SMIM41: variants seen among roughly 807,000 people sequenced by gnomAD.
SMIM41 encodes the protein small integral membrane protein 41.
intron 2 of SMIM41, among the ~76,000 whole-genome samples, chr12:52,093,956 C>A (rs1274769533): frequency 1.3e-5 from 2 of 151,752 alleles, no homozygotes; most frequent in Non-Finnish European, 2.9e-5. Flanking sequence ...CATGGTGAAA[C>A]CCTGTCTCTA....
chr12:52,096,289 T>C (rs1940092348), intron 2 of SMIM41, among the ~76,000 whole-genome samples: 1 of 152,010 alleles, frequency 6.6e-6, no homozygotes, highest in Non-Finnish European at 1.5e-5. Flanking sequence ...TATCACCGGG[T>C]GGATGTACAC....
At chr12:52,094,464 A>G (rs1023629850) in intron 2 of SMIM41, among the ~76,000 whole-genome samples, 14 of 152,102 alleles carry the variant, frequency 9.2e-5, no homozygotes, top group Non-Finnish European at 4.4e-5. Flanking sequence ...TGGCCTCCCA[A>G]AGTGCTAGGA....
intron 2 of SMIM41, among the ~76,000 whole-genome samples, chr12:52,085,436 C>A (rs1939879252): frequency 7.2e-6 from 1 of 139,208 alleles, no homozygotes; most frequent in African/African-American, 2.7e-5. Context: ...CTAGCTCGTG[C>A]CATGTTTTGT....
At chr12:52,080,781 G>C (rs1000524517) in intron 1 of SMIM41, among the ~76,000 whole-genome samples, 4 of 152,188 alleles carry the variant, frequency 2.6e-5, no homozygotes, top group African/African-American at 9.7e-5. Flanking sequence ...GGGGAGTGTG[G>C]TCATGTTTGA....
At chr12:52,101,964 C>T (rs1299334258) in intron 2 of SMIM41, among the ~76,000 whole-genome samples, 4 of 152,178 alleles carry the variant, frequency 2.6e-5, no homozygotes, top group East Asian at 1.9e-4. Context: ...CCGCCCACCT[C>T]GGCCTCCCAA....
intron 2 of SMIM41, among the ~76,000 whole-genome samples, chr12:52,091,730 C>A (rs1456716923): frequency 6.6e-6 from 1 of 152,220 alleles, no homozygotes; most frequent in Non-Finnish European, 1.5e-5. Flanking sequence ...TGTATGATAG[C>A]TCCTTAACTT....
chr12:52,090,962 C>A (rs1939991814), intron 2 of SMIM41, among the ~76,000 whole-genome samples: 1 of 152,234 alleles, frequency 6.6e-6, no homozygotes, highest in Non-Finnish European at 1.5e-5. Flanking sequence ...GGTTCCAAAC[C>A]CACAAAGGTG....
chr12:52,089,597 A>AAAAACAAAAC (rs149875066), intron 2 of SMIM41, among the ~76,000 whole-genome samples: 10,355 of 149,064 alleles, frequency 0.069, 1,141 homozygotes, highest in African/African-American at 0.24. Flanking sequence ...CCGCCTTCAA[A>AAAAACAAAAC]AAAACAAAAC....
At chr12:52,099,421 C>A (rs1460278478) in intron 2 of SMIM41, among the ~76,000 whole-genome samples, 1 of 151,074 alleles carries the variant, frequency 6.6e-6, no homozygotes. Flanking sequence ...AGGGGGGTGT[C>A]CACCTCCTGG....
chr12:52,092,802 T>C lies in SMIM41; in HGVS notation c.*195+8834T>C, dbSNP rs1444370956. On this transcript the variant is annotated intron_variant, in intron 2 of 2. Transcript: ENST00000546390. The stretch of plus-strand genomic sequence containing the variant: ...ATAAAATTAATTTTATTCCCAAGGA[T>C]TGTAATGCCATGTTACTAAATTTAA... 2.0e-5 allele frequency: 3 copies of C among 152,214 alleles called. No homozygotes were observed. The East Asian group carries it at 5.8e-4, about 29-fold the overall frequency. 9.4% of individuals were successfully genotyped at this position (152,214 alleles called of 1,614,324 possible). A position where few individuals can be genotyped will look rare whatever the true frequency, so the allele number is the denominator to read the frequency against.
intron 2 of SMIM41, chr12:52,104,339 C>T (rs534571229): frequency 6.4e-6 from 1 of 155,778 alleles, no homozygotes; most frequent in South Asian, 2.1e-4. Flanking sequence ...GTCTGTGCCT[C>T]CAGCCCTGCA....
intron 2 of SMIM41, among the ~76,000 whole-genome samples, chr12:52,099,229 T>A (rs1198132281): frequency 6.6e-6 from 1 of 151,758 alleles, no homozygotes; most frequent in East Asian, 1.9e-4. Flanking sequence ...AGTAATATCA[T>A]CCTGTGCCCC....
At chr12:52,103,372 A>AC (rs58025604) in intron 2 of SMIM41, among the ~76,000 whole-genome samples, 2 of 148,436 alleles carry the variant, frequency 1.3e-5, no homozygotes, top group African/African-American at 5.1e-5. Flanking sequence ...AAAAAAAAAA[A>AC]CCAAAAAACA....
chr12:52,102,385 C>T (rs144238363), intron 2 of SMIM41, among the ~76,000 whole-genome samples: 2,171 of 152,294 alleles, frequency 0.014, 58 homozygotes, highest in African/African-American at 0.049. Flanking sequence ...CCTTGGATTA[C>T]ATCTAAATGA....
At chr12:52,095,811 T>A (rs150168300) in intron 2 of SMIM41, among the ~76,000 whole-genome samples, 218 of 152,160 alleles carry the variant, frequency 1.4e-3, no homozygotes, top group African/African-American at 5.0e-3. Context: ...TCCTCTCCCG[T>A]CCTGCATATT....
At position 52,079,768 on chromosome 12, in the gene SMIM41, C is replaced by A; in HGVS notation, c.-12C>A. On this transcript the variant is annotated 5_prime_UTR_variant, in exon 1 of 3. Transcript: ENST00000546390. The stretch of plus-strand genomic sequence containing the variant: ...GGCGATCCCGCCACATCTGGGCAGC[C>A]GGCGCTGGAGCATGAACGGCTCTCA... 1 of 393,098 alleles carries A rather than the reference C, an allele frequency of 2.5e-6. No individual in the cohort carries two copies. The highest frequency in any genetic ancestry group is 4.5e-6 in the Non-Finnish European group (1 of 222,274). 24.4% of individuals were successfully genotyped at this position (393,098 alleles called of 1,614,324 possible).
intron 2 of SMIM41, among the ~76,000 whole-genome samples, chr12:52,106,006 G>C (rs941354134): frequency 2.0e-5 from 3 of 152,182 alleles, no homozygotes; most frequent in Non-Finnish European, 2.9e-5. Flanking sequence ...TGATCTCTAT[G>C]ATGGATGCAT....
intron 2 of SMIM41, among the ~76,000 whole-genome samples, chr12:52,096,988 G>A (rs968281142): frequency 6.6e-6 from 1 of 151,970 alleles, no homozygotes; most frequent in African/African-American, 2.4e-5. Flanking sequence ...TAATCCAGAA[G>A]GTGTAGACCT....
intron 2 of SMIM41, chr12:52,084,746 A>T (rs1302814071): frequency 6.6e-6 from 1 of 152,488 alleles, no homozygotes; most frequent in Admixed American, 6.6e-5. Context: ...CAGGAGTTGG[A>T]GCTTACCCCA....
Sources: allele counts gnomAD v4.1 joint callset (sites outside exome capture counted in the v4.1 genomes callset), GRCh38; gene constraint gnomAD v4.1.1; transcripts MANE v1.5; gene names NCBI Gene and HGNC (gene_info 2026-07-23, HGNC 2026-07-21).